GRM4: variants seen among roughly 807,000 people sequenced by gnomAD.
The protein encoded by GRM4 is metabotropic glutamate receptor 4.
GRM4 carries 28 observed loss-of-function variants against 81.7 expected under a neutral mutation model. The observed-to-expected ratio is 0.34, with a 90% CI of 0.25 to 0.47. GRM4 has a LOEUF of 0.47. Among genes scored for constraint, GRM4 ranks in the 20% least tolerant of loss-of-function variants. The probability of loss-of-function intolerance (pLI) is 1.00; values close to 1 mark genes in which losing one functional copy is unlikely to be tolerated. For missense variants in GRM4, 948 were observed against 1,290.0 expected, an observed-to-expected ratio of 0.73 and a Z score of 4.06; for synonymous variants, 488 against 528.8, an observed-to-expected ratio of 0.92 and a Z score of 1.06.
At chr6:34,057,542 C>T (rs1484090738) in intron 5 of GRM4, among the ~76,000 whole-genome samples, 3 of 152,298 alleles carry the variant, frequency 2.0e-5, no homozygotes, top group Admixed American at 6.5e-5. Flanking sequence ...GTGCACCGTA[C>T]GATACTGAGC....
At chr6:34,116,820 A>G (rs1453376450) in intron 2 of GRM4, among the ~76,000 whole-genome samples, 1 of 152,216 alleles carries the variant, frequency 6.6e-6, no homozygotes, top group Non-Finnish European at 1.5e-5. Flanking sequence ...CAATGATACA[A>G]TGAAAGAGTA....
In GRM4 at chr6:34,070,496, C is replaced by A. The variant is rs938600711; in HGVS notation, c.737-8468G>T. The stretch of plus-strand genomic sequence containing the variant: ...CTCAGTTGATAGTTTAAACTCCACC[C>A]GATAGGGCTAGTGTGAGGGCCCAGT... On this transcript the variant is annotated intron_variant, in intron 3 of 10. Transcript: ENST00000538487. The surrounding 1 kb of genome is among the most constrained non-coding windows in gnomAD (Gnocchi z 4.6). Among the ~76,000 whole-genome samples, 1 of 151,996 alleles carries A rather than the reference C, an allele frequency of 6.6e-6. No individual in the cohort carries two copies. Among genetic ancestry groups the A allele is most frequent in the Admixed American group, 6.6e-5 (1 of 15,266 alleles).
Position 34,114,642 on chromosome 6 carries a change from C to T in GRM4, c.519+18336G>A, listed in dbSNP as rs1769515215. On this transcript the variant is annotated intron_variant, in intron 2 of 10. Coordinates refer to ENST00000538487, the MANE Select transcript of GRM4 (RefSeq NM_000841.4). This position sits in a 1 kb window ranked among gnomAD's most constrained non-coding sequence, Gnocchi z 4.3. The stretch of plus-strand genomic sequence containing the variant: ...GTCACAGACAAGCCCAAGGTCCCAC[C>T]GGTGCCCACCCTCTACCCTGAGGAC... Among the ~76,000 whole-genome samples the T allele has an allele frequency of 2.0e-5, 3 of 152,102 alleles. No individual in the cohort carries two copies. The highest frequency in any genetic ancestry group is 2.1e-4 in the South Asian group (1 of 4,826).
chr6:34,148,499 G>T (rs1477367183), upstream of GRM4, among the ~76,000 whole-genome samples: 1 of 152,154 alleles, frequency 6.6e-6, no homozygotes, highest in Non-Finnish European at 1.5e-5. Flanking sequence ...GGAGCTAGGG[G>T]ACCATGCTGT....
chr6:34,055,230 C>T (rs1183650968), intron 6 of GRM4: 1 of 152,192 alleles, frequency 6.6e-6, no homozygotes, highest in Admixed American at 6.5e-5. Flanking sequence ...AAGACACAGG[C>T]ACACACATCC....
At position 34,048,898 on chromosome 6, in the gene GRM4, C is replaced by T. The variant is rs1007629678; in HGVS notation, c.1168+7646G>A. On this transcript the variant is annotated intron_variant, in intron 6 of 10. Transcript: ENST00000538487. This position sits in a 1 kb window ranked among gnomAD's most constrained non-coding sequence, Gnocchi z 4.0. ...CGCGCTTCCTGTACAGCCTGCAGAA[C>T]TGTGAGCCAATTAAACCTCCTGTCT... Among the ~76,000 whole-genome samples the T allele has an allele frequency of 1.3e-5, 2 of 152,180 alleles. No individual in the cohort carries two copies. The highest frequency in any genetic ancestry group is 1.5e-5 in the Non-Finnish European group (1 of 68,030).
intron 6 of GRM4, 179 bp downstream of exon 6, chr6:34,056,365 C>A: frequency 1.7e-6 from 1 of 604,312 alleles, no homozygotes; most frequent in Non-Finnish European, 2.9e-6. Flanking sequence ...GCTGTGGCCC[C>A]GCCCCTCAAG....
At chr6:34,044,559 C>G (rs958504416) in intron 6 of GRM4, among the ~76,000 whole-genome samples, 9 of 151,070 alleles carry the variant, frequency 6.0e-5, no homozygotes, top group East Asian at 1.9e-4. Context: ...CACAAACACA[C>G]AGACATACAT....
chr6:34,122,202 C>T (rs1769838373), intron 2 of GRM4, among the ~76,000 whole-genome samples: 1 of 152,066 alleles, frequency 6.6e-6, no homozygotes, highest in Admixed American at 6.5e-5. Context: ...CCCCAACACT[C>T]TCTCTCTGTG....
At chr6:34,073,129 CCACA>C (rs534116779) in intron 3 of GRM4, among the ~76,000 whole-genome samples, 54 of 44,904 alleles carry the variant, frequency 1.2e-3, no homozygotes, top group East Asian at 4.9e-3. Context: ...CAGATACACA[CCACA>C]CACACACACA....
At chr6:34,098,478 CAGCCACCTCTGGCCACCAGCCT>C (rs1197607379) in intron 2 of GRM4, among the ~76,000 whole-genome samples, 9 of 152,242 alleles carry the variant, frequency 5.9e-5, no homozygotes, top group Non-Finnish European at 1.2e-4. Flanking sequence ...TGGGATCTTG[CAGCCACCTCTGGCCACCAGCCT>C]AGGCCCAGCC....
chr6:34,139,558 T>C (rs1221879855), intron 1 of GRM4, among the ~76,000 whole-genome samples: 8 of 152,142 alleles, frequency 5.3e-5, no homozygotes, highest in Admixed American at 3.9e-4. Flanking sequence ...TCCTCCGCAG[T>C]TAATGACACA....
Position 34,100,702 on chromosome 6 carries a change from G to A in GRM4, c.520-8603C>T, listed in dbSNP as rs759658205. ...GAGCTAATGCTGGGTGCTGGGCAAG[G>A]GCCATCAGCCAAACATTTCAAGATC... On this transcript the variant is annotated intron_variant, in intron 2 of 10. Transcript: ENST00000538487. Among the ~76,000 whole-genome samples the A allele has an allele frequency of 4.6e-5, 7 of 152,226 alleles. No individual in the cohort carries two copies. In the East Asian group the frequency reaches 7.7e-4, roughly 17 times the overall value.
At position 34,092,462 on chromosome 6, in the gene GRM4, G is replaced by A. The variant is rs970403412; in HGVS notation, c.520-363C>T. On this transcript the variant is annotated intron_variant, in intron 2 of 10. Coordinates refer to ENST00000538487, the MANE Select transcript of GRM4 (RefSeq NM_000841.4). This position sits in a 1 kb window ranked among gnomAD's most constrained non-coding sequence, Gnocchi z 6.8. Reference sequence around the variant, plus strand: ...AGCCTGGGGATGGGGTGGGATTTGGGTGTTGGGAGGGGCCCTGAGGGGTCA... The same window carrying A: ...AGCCTGGGGATGGGGTGGGATTTGGATGTTGGGAGGGGCCCTGAGGGGTCA... Among the ~76,000 whole-genome samples the A allele has an allele frequency of 1.3e-5, 2 of 152,172 alleles. No homozygotes were observed. The highest frequency in any genetic ancestry group is 4.8e-5 in the African/African-American group (2 of 41,434).
At chr6:34,148,998 T>C (rs1770995180), upstream of GRM4, among the ~76,000 whole-genome samples, 1 of 152,128 alleles carries the variant, frequency 6.6e-6, no homozygotes, top group Non-Finnish European at 1.5e-5. Context: ...GAGAAAATAA[T>C]AATACAGAGT....
chr6:34,076,095 G>A (rs191424294), intron 3 of GRM4, among the ~76,000 whole-genome samples: 1 of 152,378 alleles, frequency 6.6e-6, no homozygotes, highest in Admixed American at 6.5e-5. Flanking sequence ...TTATAGGCCA[G>A]CAGCTGGGCA....
At chr6:34,040,499 C>A in intron 7 of GRM4, 49 bp downstream of exon 7, 2 of 1,542,202 alleles carry the variant, frequency 1.3e-6, no homozygotes, top group Non-Finnish European at 1.8e-6. Flanking sequence ...TCCCCTCGGG[C>A]ATGGCCCAGG....
rs77589113 is a variant in GRM4, at chr6:34,027,009, C to T, written c.2689+1111G>A. Among the ~76,000 whole-genome samples the T allele has an allele frequency of 6.0e-3, 913 of 152,214 alleles. 7 individuals are homozygous for T. Among genetic ancestry groups the T allele is most frequent in the African/African-American group, 0.019 (793 of 41,532 alleles). ...TGGTCAGGACTTCATCTGGGGTTTCCGAACATCCAGGTAGACATGAAAGGC... is the reference window on the plus strand; with the variant it reads ...TGGTCAGGACTTCATCTGGGGTTTCTGAACATCCAGGTAGACATGAAAGGC... On this transcript the variant is annotated intron_variant, in intron 10 of 10. Transcript: ENST00000538487.
intron 1 of GRM4, among the ~76,000 whole-genome samples, chr6:34,154,377 C>T (rs570332760): frequency 3.3e-5 from 5 of 152,186 alleles, no homozygotes; most frequent in Non-Finnish European, 7.4e-5. Context: ...GCCCCCTCCT[C>T]AACTTTCAAG....
Sources: gnomAD v4.1 joint callset for allele counts (sites outside exome capture counted in the v4.1 genomes callset) on GRCh38, gnomAD v4.1.1 for gene constraint, Gnocchi (gnomAD v3.1) non-coding constraint, MANE v1.5 for transcripts, NCBI Gene and HGNC (gene_info 2026-07-23, HGNC 2026-07-21) for gene names.